PTPN5: variants seen among roughly 807,000 people sequenced by gnomAD.
PTPN5 encodes the protein protein tyrosine phosphatase non-receptor type 5.
Under a neutral mutation model 73.9 loss-of-function variants are expected in PTPN5, and 29 were observed. The observed-to-expected ratio is 0.39, with a 90% CI of 0.29 to 0.54. The LOEUF (loss-of-function observed/expected upper bound fraction) is 0.54, where lower values mean the gene tolerates loss of function less well. Among genes scored for constraint, PTPN5 ranks in the 20% least tolerant of loss-of-function variants. PTPN5 has a pLI of 0.65. For missense variants in PTPN5, 652 were observed against 751.4 expected, an observed-to-expected ratio of 0.87 and a Z score of 1.55; for synonymous variants, 267 against 304.7, an observed-to-expected ratio of 0.88 and a Z score of 1.29.
chr11:18,734,269 G>T (rs937224914), intron 9 of PTPN5, among the ~76,000 whole-genome samples: 1 of 152,140 alleles, frequency 6.6e-6, no homozygotes, highest in African/African-American at 2.4e-5. Context: ...AGACTGTGGG[G>T]TCTCAGCCTC....
At chr11:18,732,742 C>CCCAGATCAGG in intron 11 of PTPN5, 40 bp from the exon 12 acceptor site, 1 of 1,534,694 alleles carries the variant, frequency 6.5e-7, no homozygotes, top group South Asian at 1.1e-5. Flanking sequence ...AATCCTGTTC[C>CCCAGATCAGG]CTTCCCACAA....
At chr11:18,755,434 T>C (rs1336055933) in intron 3 of PTPN5, among the ~76,000 whole-genome samples, 1 of 152,198 alleles carries the variant, frequency 6.6e-6, no homozygotes, top group East Asian at 1.9e-4. Context: ...ATTTGTTATG[T>C]AGCAAAATAT....
At chr11:18,783,860 G>T (rs911643197) in intron 1 of PTPN5, among the ~76,000 whole-genome samples, 10 of 152,128 alleles carry the variant, frequency 6.6e-5, no homozygotes, top group African/African-American at 1.7e-4. Context: ...CACCCACTAA[G>T]ATCTCTCCTG....
intron 3 of PTPN5, among the ~76,000 whole-genome samples, chr11:18,764,264 T>C (rs182230928): frequency 3.3e-5 from 5 of 152,372 alleles, no homozygotes; most frequent in East Asian, 3.9e-4. Flanking sequence ...GCCAAAGGCC[T>C]GTTTTTAATT....
intron 2 of PTPN5, among the ~76,000 whole-genome samples, chr11:18,770,141 T>C (rs1382129873): frequency 6.6e-6 from 1 of 152,236 alleles, no homozygotes; most frequent in Non-Finnish European, 1.5e-5. Context: ...TGTGCTAAAA[T>C]TCCCATAGCA....
At chr11:18,747,398 G>T (rs1368894289) in intron 3 of PTPN5, among the ~76,000 whole-genome samples, 1 of 152,118 alleles carries the variant, frequency 6.6e-6, no homozygotes, top group Non-Finnish European at 1.5e-5. Flanking sequence ...TGATCTGCCT[G>T]CCTTGGCCTC....
chr11:18,781,094 C>A (rs1851398691), intron 1 of PTPN5, among the ~76,000 whole-genome samples: 1 of 152,132 alleles, frequency 6.6e-6, no homozygotes, highest in African/African-American at 2.4e-5. Flanking sequence ...ACCTTTGGAA[C>A]TCACCTCCTC....
chr11:18,788,458 G>C (rs1040461836), intron 1 of PTPN5, among the ~76,000 whole-genome samples: 2 of 152,068 alleles, frequency 1.3e-5, no homozygotes, highest in African/African-American at 4.8e-5. Context: ...TTTTGCTCCA[G>C]TTGGAATGAA....
At chr11:18,756,104 CAGA>C (rs904962367) in intron 3 of PTPN5, among the ~76,000 whole-genome samples, 20 of 151,866 alleles carry the variant, frequency 1.3e-4, no homozygotes, top group Middle Eastern at 3.4e-3. Context: ...GACTGGTCCT[CAGA>C]AGAAGGATGC....
At chr11:18,749,589 T>C (rs1849793528) in intron 3 of PTPN5, 2 of 487,164 alleles carry the variant, frequency 4.1e-6, no homozygotes, top group African/African-American at 3.9e-5. Context: ...ACATGTAGTA[T>C]GGAGGGAAGG....
At chr11:18,748,870 T>C (rs1457493089) in intron 3 of PTPN5, among the ~76,000 whole-genome samples, 1 of 152,230 alleles carries the variant, frequency 6.6e-6, no homozygotes, top group Admixed American at 6.5e-5. Flanking sequence ...GGCTAGGCTC[T>C]GGGGACACAG....
chr11:18,771,917 G>T lies in PTPN5; in HGVS notation c.20+22C>A, dbSNP rs376089857. 5 of 1,599,176 alleles carry T rather than the reference G, an allele frequency of 3.1e-6. No homozygotes were observed. The African/African-American group carries it at 6.8e-5, about 22-fold the overall frequency. ...CTCCTCAGTGGGCGGGTTGCAGGGG[G>T]ACGGCGTAAACGCTCACTCACCTGG... On this transcript the variant is annotated intron_variant, in intron 2 of 14. Transcript: ENST00000358540.
intron 1 of PTPN5, among the ~76,000 whole-genome samples, chr11:18,776,889 C>T (rs866037476): frequency 6.6e-6 from 1 of 152,160 alleles, no homozygotes. Flanking sequence ...GGGCCAGGCA[C>T]GGTGGCTCAT....
Position 18,785,312 on chromosome 11 carries a change from T to C in PTPN5, c.-114+6213A>G, listed in dbSNP as rs142768614. Among the ~76,000 whole-genome samples, 8 of 152,340 alleles carry C rather than the reference T, an allele frequency of 5.3e-5. No individual in the cohort carries two copies. In the East Asian group the frequency reaches 1.5e-3, roughly 29 times the overall value. On this transcript the variant is annotated intron_variant, in intron 1 of 14. Transcript: ENST00000358540. The stretch of plus-strand genomic sequence containing the variant: ...GCTATGTGCCTGGAGATGCTCATTA[T>C]TGACTATGTGCAACAATAAAGACAT...
At chr11:18,781,990 G>A (rs1313965306) in intron 1 of PTPN5, among the ~76,000 whole-genome samples, 2 of 152,220 alleles carry the variant, frequency 1.3e-5, no homozygotes, top group Non-Finnish European at 2.9e-5. Flanking sequence ...GAAAGCACAA[G>A]GTATGCCAGG....
intron 9 of PTPN5, among the ~76,000 whole-genome samples, chr11:18,737,538 C>T (rs1402554058): frequency 6.6e-6 from 1 of 152,230 alleles, no homozygotes; most frequent in East Asian, 1.9e-4. Flanking sequence ...TAAGCCTTAA[C>T]TTCCTTTCCT....
At chr11:18,781,550 C>T (rs1378689679) in intron 1 of PTPN5, among the ~76,000 whole-genome samples, 2 of 152,028 alleles carry the variant, frequency 1.3e-5, no homozygotes, top group Admixed American at 6.5e-5. Flanking sequence ...AAACTCCTGA[C>T]CTCAAGTGAT....
chr11:18,783,375 AT>A, intron 1 of PTPN5, among the ~76,000 whole-genome samples: 1 of 152,226 alleles, frequency 6.6e-6, no homozygotes, highest in Non-Finnish European at 1.5e-5. Flanking sequence ...GTTTTACATC[AT>A]GGGCTAAAGA....
At chr11:18,766,600 G>T (rs888962761) in intron 2 of PTPN5, among the ~76,000 whole-genome samples, 10 of 152,178 alleles carry the variant, frequency 6.6e-5, no homozygotes, top group Admixed American at 5.9e-4. Context: ...CACCTTATAG[G>T]AGAGTATGGG....
Sources: allele counts gnomAD v4.1 joint callset (sites outside exome capture counted in the v4.1 genomes callset), GRCh38; gene constraint gnomAD v4.1.1; transcripts MANE v1.5; gene names NCBI Gene and HGNC (gene_info 2026-07-23, HGNC 2026-07-21).